PKN3: variants seen among roughly 807,000 people sequenced by gnomAD.
The protein encoded by PKN3 is serine/threonine-protein kinase N3.
Under a neutral mutation model 113.1 loss-of-function variants are expected in PKN3, and 91 were observed. The ratio of observed to expected loss-of-function variants is 0.80; its 90% CI spans 0.68 to 0.96. The LOEUF (loss-of-function observed/expected upper bound fraction) is 0.96, where lower values mean the gene tolerates loss of function less well. Ranked by LOEUF, PKN3 falls within the 40% of genes least tolerant of loss-of-function variation. The pLI is 0.00. For missense variants in PKN3, 1,052 were observed against 1,202.2 expected (o/e 0.88, Z 1.85); for synonymous variants, 467 against 499.0 (o/e 0.94, Z 0.85).
chr9:128,718,737 G>A, intron 18 of PKN3, 112 bp downstream of exon 18: 1 of 990,242 alleles, frequency 1.0e-6, no homozygotes, highest in Non-Finnish European at 1.6e-6. Flanking sequence ...CGGATGCCCT[G>A]GTTCCACCAC....
At chr9:128,714,511 C>T (rs1862280492) in intron 11 of PKN3, 51 bp from the exon 12 acceptor site, 1 of 973,756 alleles carries the variant, frequency 1.0e-6, no homozygotes, top group Non-Finnish European at 1.7e-6. Flanking sequence ...TCCATCCTGC[C>T]AGCTCTTGCG....
chr9:128,716,981 C>A, intron 16 of PKN3, 58 bp downstream of exon 16: 1 of 1,428,316 alleles, frequency 7.0e-7, no homozygotes, highest in Non-Finnish European at 9.8e-7. Context: ...TTCCCTACAC[C>A]CACTCTCTAC....
chr9:128,712,115 G>A (rs1862198077), intron 6 of PKN3, among the ~76,000 whole-genome samples: 1 of 152,140 alleles, frequency 6.6e-6, no homozygotes. Context: ...TCGCCATGTT[G>A]GTCAGGCTGG....
rs557920192 is a variant in PKN3 at position 128,704,314 on chromosome 9, G to A, written c.25-989G>A. Among the ~76,000 whole-genome samples the A allele has an allele frequency of 3.6e-4, 55 of 152,320 alleles. 1 individual carries two copies. The highest frequency in any genetic ancestry group is 1.3e-3 in the African/African-American group (54 of 41,570). ...CTTCCTCCCGGGAGCTGAGCAGGGA[G>A]TGGGCACCCGGAGACCTCCCCAGTT... On this transcript the variant is annotated intron_variant, in intron 1 of 21. Transcript: ENST00000291906.
chr9:128,719,531 C>T (rs879807116), intron 18 of PKN3, among the ~76,000 whole-genome samples, 155 bp from the exon 19 acceptor site: 1 of 152,178 alleles, frequency 6.6e-6, no homozygotes, highest in Admixed American at 6.5e-5. Context: ...CTTGGCTCTG[C>T]ATGCAGTCAA....
At chr9:128,716,015 A>G (rs78668668) in intron 15 of PKN3, among the ~76,000 whole-genome samples, 1 of 149,130 alleles carries the variant, frequency 6.7e-6, no homozygotes, top group Admixed American at 6.7e-5. Context: ...AAAAAAAAAA[A>G]GGAGGGGGAG....
Position 128,720,516 on chromosome 9 carries a change from C to A in PKN3, c.2580C>A (p.Thr860=), listed in dbSNP as rs1862506764. 2 of 1,613,388 alleles carry A rather than the reference C, an allele frequency of 1.2e-6. No individual in the cohort carries two copies. The highest frequency in any genetic ancestry group is 4.5e-5 in the East Asian group (2 of 44,882). ...TCACAGGGCTGCCGCCTGCCCTGACCCCACCTGCACCCCACAGCCTCCTCA... is the reference window on the plus strand; with the variant it reads ...TCACAGGGCTGCCGCCTGCCCTGACACCACCTGCACCCCACAGCCTCCTCA... ...GEFTGLPPAL[T]PPAPHSLLTA... is the part of the protein sequence containing the mutation. The change falls in exon 22 of 22, where the codon ACC becomes ACA. Residue 860 remains threonine (T), a synonymous_variant. Transcript: ENST00000291906. The surrounding 1 kb of genome is among the most constrained non-coding windows in gnomAD (Gnocchi z 5.5).
rs370634438 is a variant in PKN3, at chr9:128,714,287, C to T, written c.1403C>T (p.Pro468Leu). The part of the protein sequence containing the change: ...VMNLLPPCSS[P>L]STISPPKGCP... ...AACCTGCTGCCCCCCTGCAGCTCCC[C>T]GAGCACAATCAGCCCCCCTAAAGGA... Residue 468 changes from proline to leucine, a missense_variant, in exon 11 of 22, where the codon CCG (proline) becomes CTG (leucine). Physicochemically the swap from Pro to Leu is moderately conservative, Grantham distance 98 (BLOSUM62 -3). Coordinates refer to ENST00000291906, the MANE Select transcript of PKN3 (RefSeq NM_013355.5). 1.4e-4 allele frequency: 219 copies of T among 1,613,638 alleles called. No individual in the cohort carries two copies. In the East Asian group the frequency reaches 1.6e-3, roughly 12 times the overall value.
intron 1 of PKN3, among the ~76,000 whole-genome samples, chr9:128,704,503 A>T (rs1441543623): frequency 1.3e-5 from 2 of 152,116 alleles, no homozygotes; most frequent in Non-Finnish European, 2.9e-5. Flanking sequence ...ATGTAGAGAG[A>T]GCAGCCTGAT....
intron 6 of PKN3, among the ~76,000 whole-genome samples, chr9:128,712,808 A>G (rs1331625800): frequency 2.0e-5 from 3 of 152,062 alleles, no homozygotes; most frequent in Admixed American, 1.3e-4. Context: ...ATCGGGGTCC[A>G]AGGGTACCCT....
chr9:128,707,175 C>G, intron 5 of PKN3, 47 bp from the exon 6 acceptor site: 1 of 1,581,766 alleles, frequency 6.3e-7, no homozygotes, highest in Non-Finnish European at 8.6e-7. Context: ...GCTGCTGCCC[C>G]CTGCCATATA....
At chr9:128,718,291 T>C in intron 16 of PKN3, 34 bp from the exon 17 acceptor site, 1 of 1,595,480 alleles carries the variant, frequency 6.3e-7, no homozygotes, top group Middle Eastern at 1.7e-4. Flanking sequence ...GGTGTGTGTC[T>C]TGGGCCTGAG....
At chr9:128,704,441 A>AC (rs2132280007) in intron 1 of PKN3, among the ~76,000 whole-genome samples, 1 of 151,734 alleles carries the variant, frequency 6.6e-6, no homozygotes, top group African/African-American at 2.4e-5. Context: ...CTTCGTGTGA[A>AC]CCCCTATTCG....
At chr9:128,704,963 A>G (rs1240187326) in intron 1 of PKN3, among the ~76,000 whole-genome samples, 1 of 152,020 alleles carries the variant, frequency 6.6e-6, no homozygotes, top group African/African-American at 2.4e-5. Flanking sequence ...AATGGGGGTA[A>G]TGACCACCGC....
Position 128,705,306 on chromosome 9 carries a change from G to A in PKN3, c.28G>A (p.Gly10Arg). Residue 10 changes from glycine to arginine, a missense_variant, in exon 2 of 22, where the codon GGG becomes AGG. Coordinates refer to ENST00000291906, the MANE Select transcript of PKN3 (RefSeq NM_013355.5). MEEGAPRQP[G>R]PSQWPPEDEK... is the part of the protein sequence containing the mutation. ...CTGCTTTCCACCGGCTCTGCAGCCTGGGCCGAGCCAGTGGCCCCCAGAGGA... is the reference window on the plus strand; with the variant it reads ...CTGCTTTCCACCGGCTCTGCAGCCTAGGCCGAGCCAGTGGCCCCCAGAGGA... 1 of 1,553,136 alleles carries A rather than the reference G, an allele frequency of 6.4e-7. No homozygotes were observed. The highest frequency in any genetic ancestry group is 1.7e-4 in the Middle Eastern group (1 of 5,980).
intron 15 of PKN3, among the ~76,000 whole-genome samples, chr9:128,716,452 G>C (rs1396342587): frequency 6.6e-6 from 1 of 152,058 alleles, no homozygotes; most frequent in African/African-American, 2.4e-5. Context: ...ACAAAAATTA[G>C]CTGGGCGTGG....
chr9:128,718,243 G>C (rs1027109505), intron 16 of PKN3, 82 bp from the exon 17 acceptor site: 19 of 1,057,364 alleles, frequency 1.8e-5, no homozygotes, highest in Non-Finnish European at 2.7e-5. Flanking sequence ...GGATCCCCCC[G>C]CTATGGCCAT....
Position 128,719,075 on chromosome 9 carries a change from T to C in PKN3, c.2125+450T>C, listed in dbSNP as rs151106715. Among the ~76,000 whole-genome samples, 1,204 of 151,986 alleles carry C rather than the reference T, an allele frequency of 7.9e-3. 13 individuals are homozygous for C. Among genetic ancestry groups the C allele is most frequent in the African/African-American group, 0.023 (959 of 41,488 alleles). On this transcript the variant is annotated intron_variant, in intron 18 of 21. Transcript: ENST00000291906. ...CACACCTGGCTAATTTTTGTATTTT[T>C]TTAGTAGAGACGGGGTTTCACTGTG... is the stretch of plus-strand genomic sequence containing the variant.
intron 1 of PKN3, chr9:128,703,550 C>G: frequency 1.0e-6 from 1 of 985,364 alleles, no homozygotes; most frequent in Non-Finnish European, 1.2e-6. Context: ...CCCGGAGGAC[C>G]GAGGCCATGT....
Sources: allele counts gnomAD v4.1 joint callset (sites outside exome capture counted in the v4.1 genomes callset), GRCh38; gene constraint gnomAD v4.1.1; non-coding constraint Gnocchi (gnomAD v3.1); transcripts MANE v1.5; gene names NCBI Gene and HGNC (gene_info 2026-07-23, HGNC 2026-07-21).